SLCO5A1: variants seen among roughly 807,000 people sequenced by gnomAD.
SLCO5A1 encodes the protein organic anion transporter polypeptide-related protein 4.
Under a neutral mutation model 65.1 loss-of-function variants are expected in SLCO5A1, and 39 were observed. That is an observed-to-expected ratio of 0.60 (90% confidence interval 0.46 to 0.78). SLCO5A1 has a LOEUF of 0.78. SLCO5A1 is among the 30% of genes least tolerant of loss of function. SLCO5A1 has a pLI of 0.00. For missense variants in SLCO5A1, 1,029 were observed against 1,069.4 expected (o/e 0.96, Z 0.53); for synonymous variants, 438 against 415.7 (o/e 1.05, Z -0.65).
chr8:69,776,348 T>TATTTTAAATTTAAATTTTAAATACAAA (rs1818553290), intron 2 of SLCO5A1, among the ~76,000 whole-genome samples: 1 of 152,152 alleles, frequency 6.6e-6, no homozygotes, highest in Non-Finnish European at 1.5e-5. Flanking sequence ...AAAATTTAAG[T>TATTTTAAATTTAAATTTTAAATACAAA]GAAAATGAAG....
chr8:69,768,903 T>C (rs969494006), intron 2 of SLCO5A1, among the ~76,000 whole-genome samples: 4 of 152,180 alleles, frequency 2.6e-5, no homozygotes, highest in African/African-American at 7.2e-5. Flanking sequence ...TCGTCTAACA[T>C]GTCTGTCCTC....
At chr8:69,755,353 G>T in intron 4 of SLCO5A1, 71 bp downstream of exon 4, 1 of 1,299,280 alleles carries the variant, frequency 7.7e-7, no homozygotes, top group Non-Finnish European at 1.1e-6. Flanking sequence ...GACAGCATGG[G>T]CCTGGGACCA....
At chr8:69,736,948 A>G (rs116796445) in intron 5 of SLCO5A1, among the ~76,000 whole-genome samples, 3,121 of 152,354 alleles carry the variant, frequency 0.02, 101 homozygotes, top group African/African-American at 0.071. Flanking sequence ...ATTTTCTCAC[A>G]ACCAAACTAT....
At position 69,667,483 on chromosome 8, in the gene SLCO5A1, A is replaced by G. The variant is rs1813216838; in HGVS notation, c.*5386T>C. 6.6e-6 allele frequency: 1 copy of G among 152,226 alleles called. No individual in the cohort carries two copies. The highest frequency in any genetic ancestry group is 6.5e-5 in the Admixed American group (1 of 15,280). The allele number at this position is 152,226 out of a possible 1,614,324, so 9.4% of individuals were successfully genotyped here. ...CCATTATTTGGTACTACTCTTACCA[A>G]TTATCAATTACCAATTGCCAATAAT... On this transcript the variant is annotated 3_prime_UTR_variant, in exon 10 of 10. Coordinates refer to ENST00000260126, the MANE Select transcript of SLCO5A1 (RefSeq NM_030958.3).
chr8:69,717,149 T>C (rs1185515392), intron 5 of SLCO5A1, among the ~76,000 whole-genome samples: 1 of 152,204 alleles, frequency 6.6e-6, no homozygotes, highest in Non-Finnish European at 1.5e-5. Flanking sequence ...AACTCATCTA[T>C]TTTTTCTTTG....
At chr8:69,800,142 T>A (rs1256287057) in intron 2 of SLCO5A1, among the ~76,000 whole-genome samples, 1 of 151,606 alleles carries the variant, frequency 6.6e-6, no homozygotes, top group Non-Finnish European at 1.5e-5. Flanking sequence ...CTACTTGAAC[T>A]TTTTGTCATT....
At chr8:69,834,577 C>T (rs1240641436) in intron 1 of SLCO5A1, among the ~76,000 whole-genome samples, 1 of 152,090 alleles carries the variant, frequency 6.6e-6, no homozygotes, top group Non-Finnish European at 1.5e-5. Context: ...CCAGCAAACT[C>T]TCGCCGCTCG....
intron 5 of SLCO5A1, among the ~76,000 whole-genome samples, chr8:69,718,758 G>A (rs1287965480): frequency 6.6e-6 from 1 of 152,086 alleles, no homozygotes; most frequent in Non-Finnish European, 1.5e-5. Flanking sequence ...AGACATGTAG[G>A]GAATAAAAGT....
chr8:69,773,911 A>G (rs1207653355), intron 2 of SLCO5A1, among the ~76,000 whole-genome samples: 1 of 152,184 alleles, frequency 6.6e-6, no homozygotes, highest in Non-Finnish European at 1.5e-5. Context: ...AGTGTTCCAC[A>G]CATCTACACA....
chr8:69,744,219 G>A (rs1217214838), intron 4 of SLCO5A1, among the ~76,000 whole-genome samples: 1 of 152,148 alleles, frequency 6.6e-6, no homozygotes, highest in Non-Finnish European at 1.5e-5. Context: ...CAAAGGGATT[G>A]ACCAAGCATA....
chr8:69,688,133 C>A (rs1167842798), intron 6 of SLCO5A1, among the ~76,000 whole-genome samples: 1 of 151,868 alleles, frequency 6.6e-6, no homozygotes, highest in Non-Finnish European at 1.5e-5. Flanking sequence ...CATTGTGTCT[C>A]CAAATAGAGC....
chr8:69,787,977 C>T (rs1007920764), intron 2 of SLCO5A1, among the ~76,000 whole-genome samples: 3 of 152,136 alleles, frequency 2.0e-5, no homozygotes, highest in African/African-American at 7.2e-5. Context: ...GAATCAAACC[C>T]AATATTGTTA....
At chr8:69,775,741 C>T (rs1818527165) in intron 2 of SLCO5A1, among the ~76,000 whole-genome samples, 2 of 152,150 alleles carry the variant, frequency 1.3e-5, no homozygotes, top group Non-Finnish European at 2.9e-5. Flanking sequence ...CAGCTGGACA[C>T]AGTGGCTCAT....
At chr8:69,806,102 C>T (rs1032573132) in intron 2 of SLCO5A1, among the ~76,000 whole-genome samples, 4 of 152,174 alleles carry the variant, frequency 2.6e-5, no homozygotes, top group Non-Finnish European at 5.9e-5. Flanking sequence ...CATGAATCTG[C>T]AATTTGAAGG....
At position 69,673,297 on chromosome 8, in the gene SLCO5A1, C is replaced by T; in HGVS notation, c.2119G>A (p.Ala707Thr). Residue 707 changes from alanine (A) to threonine (T), a missense_variant, in exon 10 of 10, where the codon GCA (alanine) becomes ACA (threonine). Ala to Thr is a moderately conservative substitution (Grantham distance 58). Around this residue, in one of 3 missense-constraint regions of SLCO5A1, gnomAD observed 258 missense variants for 237.4 expected, o/e 1.09. Transcript: ENST00000260126. ...AGCATGCAGGTGGTGTCAATGACTG[C>T]TCCAAAGTAGATTGGAGTAGGAATG... ...AYIPTPIYFG[A>T]VIDTTCMLWQ... 6.2e-7 allele frequency: 1 copy of T among 1,614,012 alleles called. No individual in the cohort carries two copies. The highest frequency in any genetic ancestry group is 8.5e-7 in the Non-Finnish European group (1 of 1,179,908).
chr8:69,691,152 A>T (rs1326742372), intron 6 of SLCO5A1, among the ~76,000 whole-genome samples: 2 of 152,160 alleles, frequency 1.3e-5, no homozygotes, highest in Non-Finnish European at 2.9e-5. Flanking sequence ...CACCTGTATG[A>T]AGTACAGTCT....
chr8:69,785,227 C>CA (rs1819004085), intron 2 of SLCO5A1, among the ~76,000 whole-genome samples: 1 of 151,964 alleles, frequency 6.6e-6, no homozygotes, highest in Non-Finnish European at 1.5e-5. Flanking sequence ...GTTTTGGAGG[C>CA]AAAAAGGGGG....
At chr8:69,793,380 A>G (rs1819352937) in intron 2 of SLCO5A1, among the ~76,000 whole-genome samples, 2 of 152,182 alleles carry the variant, frequency 1.3e-5, no homozygotes. Context: ...CCAAAGAAAT[A>G]AAAGTCATTC....
At chr8:69,740,505 A>G (rs2130845639) in intron 4 of SLCO5A1, among the ~76,000 whole-genome samples, 1 of 152,272 alleles carries the variant, frequency 6.6e-6, no homozygotes, top group South Asian at 2.1e-4. Context: ...AGATACATGG[A>G]TGATAGACTG....
Sources: allele counts gnomAD v4.1 joint callset (sites outside exome capture counted in the v4.1 genomes callset), GRCh38; gene constraint gnomAD v4.1.1; regional missense constraint gnomAD v4.1.1; transcripts MANE v1.5; gene names NCBI Gene and HGNC (gene_info 2026-07-23, HGNC 2026-07-21).